Variants in ZNF565 observed in about 807,000 individuals in gnomAD.
ZNF565 encodes the protein zinc finger protein 565.
Under a neutral mutation model 39.4 loss-of-function variants are expected in ZNF565, and 27 were observed. The observed-to-expected ratio is 0.69, with a 90% CI of 0.51 to 0.95. ZNF565 has a LOEUF of 0.95. Ranked by LOEUF, ZNF565 falls within the 40% of genes least tolerant of loss-of-function variation. The probability of loss-of-function intolerance (pLI) is 0.00; values close to 1 mark genes in which losing one functional copy is unlikely to be tolerated. For synonymous variants in ZNF565, 185 were observed against 216.6 expected, an observed-to-expected ratio of 0.85 and a Z score of 1.28; for missense variants, 524 against 621.1, an observed-to-expected ratio of 0.84 and a Z score of 1.66.
chr19:36,224,538 T>A (rs1402411188), intron 1 of ZNF565, among the ~76,000 whole-genome samples: 2 of 152,212 alleles, frequency 1.3e-5, no homozygotes, highest in African/African-American at 4.8e-5. Flanking sequence ...AAAATATTTA[T>A]CTTTTTACTA....
intron 1 of ZNF565, among the ~76,000 whole-genome samples, chr19:36,205,430 G>A (rs1976117188): frequency 6.6e-6 from 1 of 152,068 alleles, no homozygotes; most frequent in Admixed American, 6.6e-5. Flanking sequence ...AGGAGGTTGA[G>A]GCAGGGAGAA....
intron 4 of ZNF565, among the ~76,000 whole-genome samples, chr19:36,193,510 G>A (rs1346213690): frequency 6.2e-5 from 9 of 144,898 alleles, no homozygotes; most frequent in African/African-American, 1.0e-4. Context: ...GCGCGATCTC[G>A]GCTCACTGCA....
intron 1 of ZNF565, among the ~76,000 whole-genome samples, chr19:36,229,071 G>A (rs1039103964): frequency 1.3e-5 from 2 of 152,188 alleles, no homozygotes; most frequent in African/African-American, 4.8e-5. Flanking sequence ...CGTCTGTGCC[G>A]CCACTGTGGT....
intron 2 of ZNF565, among the ~76,000 whole-genome samples, chr19:36,201,049 CATGCCTGTA>C (rs1448835303): frequency 1.3e-5 from 2 of 152,140 alleles, no homozygotes; most frequent in African/African-American, 4.8e-5. Flanking sequence ...AGCAGTGGCT[CATGCCTGTA>C]ATCCCAGTAC....
intron 1 of ZNF565, among the ~76,000 whole-genome samples, chr19:36,232,201 A>G (rs1977410121): frequency 6.6e-6 from 1 of 152,028 alleles, no homozygotes; most frequent in Admixed American, 6.6e-5. Flanking sequence ...TCTCAAAAAA[A>G]AAAAAAAAAA....
Position 36,194,188 on chromosome 19 carries a change from G to T in ZNF565, c.232+45C>A. The T allele has an allele frequency of 2.0e-6, 3 of 1,517,594 alleles. No individual in the cohort carries two copies. In the South Asian group the frequency reaches 3.6e-5, roughly 18 times the overall value. 94.0% of individuals were successfully genotyped at this position (1,517,594 alleles called of 1,614,324 possible). Reference sequence around the variant, plus strand: ...GTAACTCAAGTTACTCCTGTCAGTCGACTCATCCAGGGACCTTCCCCTGTC... The same window carrying T: ...GTAACTCAAGTTACTCCTGTCAGTCTACTCATCCAGGGACCTTCCCCTGTC... On this transcript the variant is annotated intron_variant, in intron 4 of 4. Coordinates refer to ENST00000304116, the MANE Select transcript of ZNF565 (RefSeq NM_152477.5).
At position 36,194,226 on chromosome 19, in the gene ZNF565, C is replaced by T. The variant is rs759108592; in HGVS notation, c.232+7G>A. 4 of 1,607,408 alleles carry T rather than the reference C, an allele frequency of 2.5e-6. No individual in the cohort carries two copies. Among genetic ancestry groups the T allele is most frequent in the Middle Eastern group, 3.3e-4 (2 of 6,008 alleles). ...ACCTTCCCCTGTCGAAATCGGCCCTCGCTTACCTGGGCACCATGGTCCTGT... is the reference window on the plus strand; with the variant it reads ...ACCTTCCCCTGTCGAAATCGGCCCTTGCTTACCTGGGCACCATGGTCCTGT... On this transcript the variant is annotated splice_region_variant and intron_variant, in intron 4 of 4. Transcript: ENST00000304116.
chr19:36,189,827 A>ATTTTG (rs903625432), intron 4 of ZNF565, among the ~76,000 whole-genome samples: 1 of 151,668 alleles, frequency 6.6e-6, no homozygotes, highest in Non-Finnish European at 1.5e-5. Context: ...TTTTTGTTTT[A>ATTTTG]TTTTGTTTTG....
chr19:36,242,485 T>TTA (rs1233816759), intron 1 of ZNF565, among the ~76,000 whole-genome samples: 4 of 151,744 alleles, frequency 2.6e-5, no homozygotes, highest in Non-Finnish European at 5.9e-5. Flanking sequence ...TCCCATCACT[T>TTA]TAGAGGGCTG....
rs74410395 is a variant in ZNF565 at position 36,190,590 on chromosome 19, TAA to T, written c.232+3641_232+3642del. ...AAACTCCATCTCAAAAAAAAAAAAT[TAA>T]AAAAAAAAAAAGGCTAATCAGTTGA... On this transcript the variant is annotated intron_variant, in intron 4 of 4. Transcript: ENST00000304116. 3.5e-4 allele frequency among the ~76,000 whole-genome samples: 46 copies of T among 132,664 alleles called. 1 individual carries two copies. Among genetic ancestry groups the T allele is most frequent in the Admixed American group, 1.9e-3 (25 of 13,078 alleles). 87.0% of individuals were successfully genotyped at this position (132,664 alleles called of 152,430 possible). A position where few individuals can be genotyped will look rare whatever the true frequency, so the allele number is the denominator to read the frequency against.
At chr19:36,200,129 G>A (rs1390654944) in intron 2 of ZNF565, among the ~76,000 whole-genome samples, 1 of 151,822 alleles carries the variant, frequency 6.6e-6, no homozygotes, top group African/African-American at 2.4e-5. Context: ...AGGTTCAAGC[G>A]ATTCTCGTGC....
intron 1 of ZNF565, among the ~76,000 whole-genome samples, chr19:36,212,046 G>A (rs552975922): frequency 8.5e-5 from 13 of 152,314 alleles, no homozygotes; most frequent in South Asian, 8.3e-4. Flanking sequence ...GGCAATCACC[G>A]TCTTAACCAA....
At chr19:36,242,830 TC>T (rs1977822361) in intron 1 of ZNF565, among the ~76,000 whole-genome samples, 1 of 152,218 alleles carries the variant, frequency 6.6e-6, no homozygotes, top group East Asian at 1.9e-4. Context: ...TGTTCATAAA[TC>T]ATTGTGTAAG....
At chr19:36,203,635 G>C (rs1976047663) in intron 1 of ZNF565, 1 of 152,296 alleles carries the variant, frequency 6.6e-6, no homozygotes, top group Non-Finnish European at 1.5e-5. Context: ...GAGTGCAGAG[G>C]TGTGATCTCA....
At chr19:36,217,305 G>A (rs187121109), upstream of ZNF565, among the ~76,000 whole-genome samples, 30 of 151,364 alleles carry the variant, frequency 2.0e-4, no homozygotes, top group African/African-American at 6.8e-4. Context: ...TCAAGTGATC[G>A]GCCCGCCTCG....
chr19:36,216,995 G>C (rs1976636405), upstream of ZNF565, among the ~76,000 whole-genome samples: 1 of 150,648 alleles, frequency 6.6e-6, no homozygotes, highest in Non-Finnish European at 1.5e-5. Flanking sequence ...GGAGGTCAAG[G>C]CTGCAGTGAG....
chr19:36,243,738 C>A (rs1350573492), intron 1 of ZNF565, among the ~76,000 whole-genome samples: 1 of 151,884 alleles, frequency 6.6e-6, no homozygotes, highest in Non-Finnish European at 1.5e-5. Flanking sequence ...CTTGCTATGT[C>A]ACCCAGGCTG....
chr19:36,202,098 G>A lies in ZNF565; in HGVS notation c.-65-48C>T, dbSNP rs73612167. On this transcript the variant is annotated intron_variant, in intron 1 of 4. Coordinates refer to ENST00000304116, the MANE Select transcript of ZNF565 (RefSeq NM_152477.5). ...GATGGGGTAACCTCTGATAAACTGA[G>A]CTTGCCTCAGCACTCCCAAATAGAT... The A allele has an allele frequency of 1.0e-2, 10,247 of 1,029,484 alleles. 590 individuals are homozygous for A. The African/African-American group carries it at 0.14, about 14-fold the overall frequency. The allele number at this position is 1,029,484 out of a possible 1,614,324, so 63.8% of individuals were successfully genotyped here.
At chr19:36,241,812 A>G (rs961921937) in intron 1 of ZNF565, among the ~76,000 whole-genome samples, 2 of 150,698 alleles carry the variant, frequency 1.3e-5, no homozygotes, top group African/African-American at 4.9e-5. Context: ...AAGCTGGGAC[A>G]ATTGAGGTAC....
Sources: gnomAD v4.1 joint callset for allele counts (sites outside exome capture counted in the v4.1 genomes callset) on GRCh38, gnomAD v4.1.1 for gene constraint, MANE v1.5 for transcripts, NCBI Gene and HGNC (gene_info 2026-07-23, HGNC 2026-07-21) for gene names.